Variants in CMBL observed in about 807,000 individuals in gnomAD.
CMBL encodes carboxymethylenebutenolidase homolog (Pseudomonas).
CMBL carries 17 observed loss-of-function variants against 28.7 expected under a neutral mutation model. The ratio of observed to expected loss-of-function variants is 0.59; its 90% CI spans 0.41 to 0.89. The LOEUF (loss-of-function observed/expected upper bound fraction) is 0.89. CMBL is among the 40% of genes least tolerant of loss of function. The probability of loss-of-function intolerance (pLI) is 0.00; values close to 1 mark genes in which losing one functional copy is unlikely to be tolerated. For synonymous variants in CMBL, 106 were observed against 101.6 expected (o/e 1.04, Z -0.26); for missense variants, 310 against 298.5 (o/e 1.04, Z -0.28).
intron 5 of CMBL, 125 bp from the exon 6 acceptor site, chr5:10,280,757 T>C: frequency 1.2e-6 from 1 of 827,484 alleles, no homozygotes; most frequent in Non-Finnish European, 1.8e-6. Flanking sequence ...GTTCCACAGT[T>C]ACACTGAATT....
chr5:10,283,015 G>A (rs1278566064), intron 4 of CMBL, among the ~76,000 whole-genome samples: 19 of 151,090 alleles, frequency 1.3e-4, no homozygotes, highest in Admixed American at 1.1e-3. Flanking sequence ...GCTTGAACCC[G>A]GGAGGTGGAG....
At chr5:10,281,035 A>G (rs149880787) in intron 5 of CMBL, among the ~76,000 whole-genome samples, 1,720 of 152,302 alleles carry the variant, frequency 0.011, 32 homozygotes, top group African/African-American at 0.038. Context: ...CTGCCTCCCA[A>G]TGTGTTGGGA....
chr5:10,284,817 CT>C (rs1746567454), intron 4 of CMBL, among the ~76,000 whole-genome samples: 2 of 152,074 alleles, frequency 1.3e-5, no homozygotes, highest in Non-Finnish European at 2.9e-5. Context: ...TCCTATGTGT[CT>C]TTTTTGTTTT....
At position 10,290,268 on chromosome 5, in the gene CMBL, G is replaced by C. The variant is rs759783937; in HGVS notation, c.215+280C>G. The C allele has an allele frequency of 4.8e-5, 21 of 435,440 alleles. No homozygotes were observed. In the Admixed American group the frequency reaches 7.5e-4, roughly 16 times the overall value. 27.0% of individuals were successfully genotyped at this position (435,440 alleles called of 1,614,324 possible). A position where few individuals can be genotyped will look rare whatever the true frequency, so the allele number is the denominator to read the frequency against. Reference sequence around the variant, plus strand: ...AGATGTCCAGTGCCTGCGTCTGGCTGAGGCCCCACACGGGAAAAGAATTCT... The same window carrying C: ...AGATGTCCAGTGCCTGCGTCTGGCTCAGGCCCCACACGGGAAAAGAATTCT... On this transcript the variant is annotated intron_variant, in intron 2 of 5. Transcript: ENST00000296658.
chr5:10,298,402 A>C (rs1366237584), intron 1 of CMBL, among the ~76,000 whole-genome samples: 1 of 152,254 alleles, frequency 6.6e-6, no homozygotes, highest in Non-Finnish European at 1.5e-5. Context: ...CCAATTTAAA[A>C]AAAAAGGAAA....
chr5:10,299,124 C>T (rs1274298218), intron 1 of CMBL, among the ~76,000 whole-genome samples: 1 of 151,916 alleles, frequency 6.6e-6, no homozygotes, highest in African/African-American at 2.4e-5. Flanking sequence ...TAAAAGTCTC[C>T]ATAAACAAAG....
rs2662526 is a variant in CMBL at position 10,289,618 on chromosome 5, C to T, written c.215+930G>A. Among the ~76,000 whole-genome samples, 152,348 of 152,358 alleles carry T rather than the reference C, an allele frequency of 1. 76,169 individuals carry two copies. The highest frequency in any genetic ancestry group is 1 in the Non-Finnish European group (68,040 of 68,040). On this transcript the variant is annotated intron_variant, in intron 2 of 5. Coordinates refer to ENST00000296658, the MANE Select transcript of CMBL (RefSeq NM_138809.4). The surrounding 1 kb of genome is among the most constrained non-coding windows in gnomAD (Gnocchi z 4.3). ...AGGGCAATGAGCCCAGTCATGCCCTCAGCACTGCGTCTGGCTGAGCAACTG... is the reference window on the plus strand; with the variant it reads ...AGGGCAATGAGCCCAGTCATGCCCTTAGCACTGCGTCTGGCTGAGCAACTG...
chr5:10,291,170 T>G (rs1746708114), intron 1 of CMBL, among the ~76,000 whole-genome samples: 1 of 152,022 alleles, frequency 6.6e-6, no homozygotes, highest in South Asian at 2.1e-4. Flanking sequence ...GCTTAGGATT[T>G]TGTGTCGACG....
intron 1 of CMBL, chr5:10,307,256 AAG>A (rs1261402370): frequency 1.3e-5 from 2 of 152,194 alleles, no homozygotes; most frequent in Admixed American, 6.5e-5. Context: ...TCACTGCAGG[AAG>A]AGAGTTACAA....
chr5:10,282,492 G>A (rs1378224125), intron 4 of CMBL, among the ~76,000 whole-genome samples: 1 of 151,806 alleles, frequency 6.6e-6, no homozygotes, highest in Non-Finnish European at 1.5e-5. Flanking sequence ...TAAGATTAGC[G>A]TAAAAGAAGG....
intron 5 of CMBL, among the ~76,000 whole-genome samples, chr5:10,281,034 A>C (rs1258418199): frequency 6.6e-6 from 1 of 152,198 alleles, no homozygotes; most frequent in African/African-American, 2.4e-5. Context: ...TCTGCCTCCC[A>C]ATGTGTTGGG....
chr5:10,282,265 T>C lies in CMBL; in HGVS notation c.490A>G (p.Ile164Val). 6.2e-7 allele frequency: 1 copy of C among 1,611,746 alleles called. No individual in the cohort carries two copies. Among genetic ancestry groups the C allele is most frequent in the Non-Finnish European group, 8.5e-7 (1 of 1,177,780 alleles). The stretch of plus-strand genomic sequence containing the variant: ...AAAGTGGGGTTCTTTAAATTGTAAA[T>C]GTCTTCAGAATCCTTGACAATGCCT... ...VYGIVKDSED[I>V]YNLKNPTLFI... The change falls in exon 5 of 6, where the codon ATT becomes GTT. Residue 164 changes from isoleucine (I) to valine (V), a missense_variant. Coordinates refer to ENST00000296658, the MANE Select transcript of CMBL (RefSeq NM_138809.4).
At position 10,300,565 on chromosome 5, in the gene CMBL, C is replaced by T. The variant is rs1489075146; in HGVS notation, c.-20+7060G>A. 3.3e-5 allele frequency among the ~76,000 whole-genome samples: 5 copies of T among 152,014 alleles called. 1 individual carries two copies. Among genetic ancestry groups the T allele is most frequent in the African/African-American group, 1.2e-4 (5 of 41,392 alleles). ...CTGTAATCCCAGCACTTTGAGAGGT[C>T]GAGGCATGGTCATAGCTTGAGGCCA... On this transcript the variant is annotated intron_variant, in intron 1 of 5. Transcript: ENST00000296658.
chr5:10,295,917 G>A (rs1003063206), intron 1 of CMBL, among the ~76,000 whole-genome samples: 1 of 152,196 alleles, frequency 6.6e-6, no homozygotes, highest in Admixed American at 6.5e-5. Flanking sequence ...TGATTTTGCT[G>A]TTTAAAAGGG....
chr5:10,278,466 G>A lies in CMBL; in HGVS notation c.*1987C>T, dbSNP rs1031844352. Among the ~76,000 whole-genome samples, 11 of 152,078 alleles carry A rather than the reference G, an allele frequency of 7.2e-5. No homozygotes were observed. Among genetic ancestry groups the A allele is most frequent in the Non-Finnish European group, 1.0e-4 (7 of 67,994 alleles). On this transcript the variant is annotated 3_prime_UTR_variant, in exon 6 of 6. Coordinates refer to ENST00000296658, the MANE Select transcript of CMBL (RefSeq NM_138809.4). Reference sequence around the variant, plus strand: ...CCTCTCAGTCACAGCGTGAGTCCCCGGGGCTCATGCCTGCTTGCTCTAAAC... The same window carrying A: ...CCTCTCAGTCACAGCGTGAGTCCCCAGGGCTCATGCCTGCTTGCTCTAAAC...
chr5:10,287,440 A>G (rs114420289), intron 3 of CMBL, among the ~76,000 whole-genome samples: 3,138 of 135,552 alleles, frequency 0.023, 105 homozygotes, highest in African/African-American at 0.078. Flanking sequence ...CTATGAGTAG[A>G]TTCACAGAGG....
intron 4 of CMBL, among the ~76,000 whole-genome samples, chr5:10,285,588 G>A (rs535974501): frequency 9.9e-5 from 15 of 151,322 alleles, no homozygotes; most frequent in South Asian, 4.2e-4. Context: ...GTGAGTCATC[G>A]CATCTGGCTG....
intron 1 of CMBL, among the ~76,000 whole-genome samples, chr5:10,302,716 G>A (rs557602215): frequency 2.8e-4 from 42 of 152,186 alleles, no homozygotes; most frequent in Admixed American, 2.0e-3. Flanking sequence ...CAAGACTGAC[G>A]AAACAGACTT....
At chr5:10,304,158 C>G (rs1746958203) in intron 1 of CMBL, among the ~76,000 whole-genome samples, 1 of 150,310 alleles carries the variant, frequency 6.7e-6, no homozygotes, top group Admixed American at 6.6e-5. Flanking sequence ...TCCAGGAGTT[C>G]AAGACCTGCC....
Sources: allele counts gnomAD v4.1 joint callset (sites outside exome capture counted in the v4.1 genomes callset), GRCh38; gene constraint gnomAD v4.1.1; non-coding constraint Gnocchi (gnomAD v3.1); transcripts MANE v1.5; gene names NCBI Gene and HGNC (gene_info 2026-07-23, HGNC 2026-07-21).